ZC3H14: variants seen among roughly 807,000 people sequenced by gnomAD.
ZC3H14 encodes zinc finger CCCH-type containing 14.
Under a neutral mutation model 92.4 loss-of-function variants are expected in ZC3H14, and 31 were observed. The ratio of observed to expected loss-of-function variants is 0.34; its 90% CI spans 0.25 to 0.45. The LOEUF (loss-of-function observed/expected upper bound fraction) is 0.45, where lower values mean the gene tolerates loss of function less well. Among genes scored for constraint, ZC3H14 ranks in the 20% least tolerant of loss-of-function variants. The pLI is 1.00. For missense variants in ZC3H14, 781 were observed against 897.3 expected (o/e 0.87, Z 1.66); for synonymous variants, 321 against 300.9 (o/e 1.07, Z -0.69).
At chr14:88,579,981 G>A (rs1169975388) in intron 9 of ZC3H14, among the ~76,000 whole-genome samples, 1 of 152,232 alleles carries the variant, frequency 6.6e-6, no homozygotes, top group Non-Finnish European at 1.5e-5. Flanking sequence ...GGAGGCTGAG[G>A]CAGGAGGATC....
At position 88,627,023 on chromosome 14, in the gene ZC3H14, C is replaced by T. The variant is rs1171416557; in HGVS notation, c.*15272C>T. 1 of 1,613,732 alleles carries T rather than the reference C, an allele frequency of 6.2e-7. No homozygotes were observed. Among genetic ancestry groups the T allele is most frequent in the South Asian group, 1.1e-5 (1 of 91,066 alleles). ...GCCACAAAAATACGTTGATTGTGAC[C>T]AGCTCTGCTGGCAATTTTGGCACCT... On this transcript the variant is annotated 3_prime_UTR_variant, in exon 17 of 17. Coordinates refer to ENST00000251038, the MANE Select transcript of ZC3H14 (RefSeq NM_024824.5).
intron 2 of ZC3H14, among the ~76,000 whole-genome samples, chr14:88,564,406 C>T (rs183051144): frequency 2.6e-5 from 4 of 152,266 alleles, no homozygotes; most frequent in Admixed American, 2.0e-4. Context: ...GTATCTTTGA[C>T]TGTGTAAACA....
rs397719888 is a variant in ZC3H14, at chr14:88,622,815, T to TA, written c.*11069dup. The TA allele has an allele frequency of 5.7e-4, 422 of 742,692 alleles. 5 individuals are homozygous for TA. Among genetic ancestry groups the TA allele is most frequent in the Middle Eastern group, 4.2e-3 (13 of 3,102 alleles). The allele number at this position is 742,692 out of a possible 1,614,324, so 46.0% of individuals were successfully genotyped here. A position where few individuals can be genotyped will look rare whatever the true frequency, so the allele number is the denominator to read the frequency against. The stretch of plus-strand genomic sequence containing the variant: ...AGTTATAAGCAGAATCTTTTTTTTT[T>TA]AAAAAGGCCCTGATATTTATAATTT... On this transcript the variant is annotated 3_prime_UTR_variant, in exon 17 of 17. Coordinates refer to ENST00000251038, the MANE Select transcript of ZC3H14 (RefSeq NM_024824.5).
chr14:88,600,601 C>T (rs1446484042), intron 10 of ZC3H14, among the ~76,000 whole-genome samples: 2 of 152,098 alleles, frequency 1.3e-5, no homozygotes, highest in African/African-American at 4.8e-5. Flanking sequence ...GCTCCCACGC[C>T]TGGCTAATTT....
rs368737045 is a variant in ZC3H14 at position 88,591,891 on chromosome 14, G to A, written c.1280-4843G>A. On this transcript the variant is annotated intron_variant, in intron 9 of 16. Coordinates refer to ENST00000251038, the MANE Select transcript of ZC3H14 (RefSeq NM_024824.5). Reference sequence around the variant, plus strand: ...GTGTGGACCTAGGAGCCAGACTACCGAAGGTGCAGACCCTGCAGTTTACTA... The same window carrying A: ...GTGTGGACCTAGGAGCCAGACTACCAAAGGTGCAGACCCTGCAGTTTACTA... The A allele has an allele frequency of 1.1e-4, 17 of 152,306 alleles. No homozygotes were observed. In the South Asian group the frequency reaches 1.2e-3, roughly 11 times the overall value. 9.4% of individuals were successfully genotyped at this position (152,306 alleles called of 1,614,324 possible).
chr14:88,611,637 T>A, intron 16 of ZC3H14, 108 bp from the exon 17 acceptor site: 2 of 1,322,560 alleles, frequency 1.5e-6, no homozygotes. Flanking sequence ...TGTAATCTTA[T>A]GACCAAATAT....
intron 4 of ZC3H14, 117 bp downstream of exon 4, chr14:88,571,241 T>G (rs2080350572): frequency 1.2e-6 from 1 of 855,438 alleles, no homozygotes; most frequent in Non-Finnish European, 1.8e-6. Flanking sequence ...TCATTTGAAC[T>G]TTTTTAGAAA....
Position 88,621,555 on chromosome 14 carries a change from A to C in ZC3H14, c.*9804A>C, listed in dbSNP as rs753373479. On this transcript the variant is annotated 3_prime_UTR_variant, in exon 17 of 17. Transcript: ENST00000251038. ...AACTTTTCTGTGGCAGTACACCTGGATTCTTCAATAATCAAAGTTTTTATT... is the reference window on the plus strand; with the variant it reads ...AACTTTTCTGTGGCAGTACACCTGGCTTCTTCAATAATCAAAGTTTTTATT... 7 of 507,606 alleles carry C rather than the reference A, an allele frequency of 1.4e-5. No homozygotes were observed. Among genetic ancestry groups the C allele is most frequent in the Non-Finnish European group, 2.4e-5 (7 of 288,360 alleles). The allele number at this position is 507,606 out of a possible 1,614,324, so 31.4% of individuals were successfully genotyped here. A position where few individuals can be genotyped will look rare whatever the true frequency, so the allele number is the denominator to read the frequency against.
chr14:88,608,993 T>C, intron 13 of ZC3H14: 1 of 441,008 alleles, frequency 2.3e-6, no homozygotes, highest in Non-Finnish European at 4.1e-6. Context: ...ATATACCTTT[T>C]TTATTAAGTG....
chr14:88,581,258 T>TA (rs1198100957), intron 9 of ZC3H14, among the ~76,000 whole-genome samples: 1 of 152,136 alleles, frequency 6.6e-6, no homozygotes, highest in Non-Finnish European at 1.5e-5. Context: ...ACTTCCTATT[T>TA]AAAAAACTAG....
rs186580408 is a variant in ZC3H14 at position 88,564,238 on chromosome 14, C to G, written c.79+545C>G. Among the ~76,000 whole-genome samples the G allele has an allele frequency of 2.6e-5, 4 of 152,292 alleles. No individual in the cohort carries two copies. In the East Asian group the frequency reaches 7.7e-4, roughly 29 times the overall value. On this transcript the variant is annotated intron_variant, in intron 2 of 16. Coordinates refer to ENST00000251038, the MANE Select transcript of ZC3H14 (RefSeq NM_024824.5). ...TTCAGTGAGTTTTATTTTCCGATCTCTTTATGTTTTCCCTCTCTCTCTGAA... is the reference window on the plus strand; with the variant it reads ...TTCAGTGAGTTTTATTTTCCGATCTGTTTATGTTTTCCCTCTCTCTCTGAA...
At chr14:88,575,614 A>C (rs1431037870) in intron 7 of ZC3H14, among the ~76,000 whole-genome samples, 1 of 151,984 alleles carries the variant, frequency 6.6e-6, no homozygotes, top group African/African-American at 2.4e-5. Context: ...GCATTGCTTG[A>C]GCCTAGAAGT....
chr14:88,610,109 AC>A (rs758261978), intron 15 of ZC3H14, among the ~76,000 whole-genome samples: 11 of 152,096 alleles, frequency 7.2e-5, no homozygotes, highest in East Asian at 3.9e-4. Flanking sequence ...GGCAGTTTGA[AC>A]CTAATGTCAG....
At chr14:88,606,081 A>G (rs1389976691) in intron 12 of ZC3H14, among the ~76,000 whole-genome samples, 1 of 152,322 alleles carries the variant, frequency 6.6e-6, no homozygotes, top group African/African-American at 2.4e-5. Flanking sequence ...CATAATACCC[A>G]TGATGCTATT....
In ZC3H14 at chr14:88,614,503, G is replaced by C. The variant is rs1472672879; in HGVS notation, c.*2752G>C. On this transcript the variant is annotated 3_prime_UTR_variant, in exon 17 of 17. Transcript: ENST00000251038. ...TTAAGAATCTTCATATATCCTGTCA[G>C]ACCAAATGGGATTCCAGGAACCTAA... 1 of 152,144 alleles carries C rather than the reference G, an allele frequency of 6.6e-6. No homozygotes were observed. The highest frequency in any genetic ancestry group is 1.9e-4 in the East Asian group (1 of 5,196). 9.4% of individuals were successfully genotyped at this position (152,144 alleles called of 1,614,324 possible). A position where few individuals can be genotyped will look rare whatever the true frequency, so the allele number is the denominator to read the frequency against.
rs1233770217 is a variant in ZC3H14, at chr14:88,615,426, A to G, written c.*3675A>G. On this transcript the variant is annotated 3_prime_UTR_variant, in exon 17 of 17. Coordinates refer to ENST00000251038, the MANE Select transcript of ZC3H14 (RefSeq NM_024824.5). ...ACAATGAACCTTGAAAATAAAATAT[A>G]AACATTAAGAAACCATTTTGCTAAA... 1 of 165,180 alleles carries G rather than the reference A, an allele frequency of 6.1e-6. No homozygotes were observed. Among genetic ancestry groups the G allele is most frequent in the East Asian group, 1.7e-4 (1 of 6,006 alleles). 10.2% of individuals were successfully genotyped at this position (165,180 alleles called of 1,614,324 possible).
intron 1 of ZC3H14, 192 bp downstream of exon 1, chr14:88,563,361 G>A: frequency 1.4e-6 from 2 of 1,448,226 alleles, no homozygotes; most frequent in East Asian, 2.6e-5. Context: ...GCGTGGCTGC[G>A]GCTGAAGTAG....
intron 15 of ZC3H14, 60 bp from the exon 16 acceptor site, chr14:88,610,774 T>C (rs575955521): frequency 6.6e-7 from 1 of 1,516,472 alleles, no homozygotes; most frequent in African/African-American, 1.4e-5. Context: ...AATAATAAAA[T>C]AATGTGTTTA....
intron 9 of ZC3H14, chr14:88,592,042 T>C (rs2083199414): frequency 2.0e-5 from 3 of 152,236 alleles, no homozygotes; most frequent in Admixed American, 6.5e-5. Flanking sequence ...TGATGAATAT[T>C]TACACTGGAG....
Sources: gnomAD v4.1 joint callset for allele counts (sites outside exome capture counted in the v4.1 genomes callset) on GRCh38, gnomAD v4.1.1 for gene constraint, MANE v1.5 for transcripts, NCBI Gene and HGNC (gene_info 2026-07-23, HGNC 2026-07-21) for gene names.